SHB: variants seen among roughly 807,000 people sequenced by gnomAD.
SHB encodes SH2 domain containing adaptor protein B.
In SHB, 20 loss-of-function variants were observed where a neutral mutation model predicts 52.3. That is an observed-to-expected ratio of 0.38 (90% CI 0.27 to 0.56). The LOEUF is 0.56. SHB is among the 20% of genes least tolerant of loss of function. The probability of loss-of-function intolerance (pLI) is 0.71; values close to 1 mark genes in which losing one functional copy is unlikely to be tolerated. For synonymous variants in SHB, 397 were observed against 316.5 expected (o/e 1.25, Z -2.70); for missense variants, 825 against 723.3 (o/e 1.14, Z -1.61).
chr9:38,021,154 G>A (rs1332546778), intron 1 of SHB, among the ~76,000 whole-genome samples: 1 of 151,272 alleles, frequency 6.6e-6, no homozygotes, highest in Non-Finnish European at 1.5e-5. Flanking sequence ...CCCGACCAAC[G>A]TGGAGAAACC....
At chr9:38,062,494 C>T (rs1478057739) in intron 1 of SHB, among the ~76,000 whole-genome samples, 3 of 152,132 alleles carry the variant, frequency 2.0e-5, no homozygotes, top group African/African-American at 7.2e-5. Flanking sequence ...CCTCAAGAGA[C>T]CTTATGCGCT....
At chr9:38,062,469 C>T (rs1040907479) in intron 1 of SHB, among the ~76,000 whole-genome samples, 2 of 152,184 alleles carry the variant, frequency 1.3e-5, no homozygotes, top group Non-Finnish European at 2.9e-5. Context: ...GAAGGGTCAC[C>T]ATGCCAGTTT....
At chr9:38,014,622 A>T (rs529440373) in intron 2 of SHB, among the ~76,000 whole-genome samples, 2 of 152,360 alleles carry the variant, frequency 1.3e-5, no homozygotes, top group East Asian at 1.9e-4. Context: ...GAAAGATGGG[A>T]GTGGGCATGA....
At position 37,919,101 on chromosome 9, in the gene SHB, C is replaced by G. The variant is rs1832141973; in HGVS notation, c.*720G>C. The G allele has an allele frequency of 6.6e-6, 1 of 152,632 alleles. No homozygotes were observed. The highest frequency in any genetic ancestry group is 2.4e-5 in the African/African-American group (1 of 41,452). The allele number at this position is 152,632 out of a possible 1,614,324, so 9.5% of individuals were successfully genotyped here. ...AACCAGAACTGCCCCCTCAGAGACC[C>G]TCTGCAGTATATCAAAAAAGGATAA... On this transcript the variant is annotated 3_prime_UTR_variant, in exon 6 of 6. Coordinates refer to ENST00000377707, the MANE Select transcript of SHB (RefSeq NM_003028.3).
chr9:38,056,303 A>G (rs543742261), intron 1 of SHB, among the ~76,000 whole-genome samples: 82 of 152,300 alleles, frequency 5.4e-4, no homozygotes, highest in African/African-American at 1.9e-3. Flanking sequence ...CCATCAAAGT[A>G]TTAGAAGAAA....
At chr9:37,982,094 T>TA (rs59247175) in intron 2 of SHB, among the ~76,000 whole-genome samples, 13,258 of 141,134 alleles carry the variant, frequency 0.094, 637 homozygotes, top group Non-Finnish European at 0.12. Flanking sequence ...CTTCATTTTG[T>TA]AAAAAAAAAA....
At chr9:37,923,927 TCTC>T (rs1293102664) in intron 5 of SHB, among the ~76,000 whole-genome samples, 6 of 152,088 alleles carry the variant, frequency 3.9e-5, no homozygotes, top group African/African-American at 1.4e-4. Context: ...CCGAGCCACA[TCTC>T]CTCCCACCCT....
At chr9:37,992,011 G>C (rs1040925652) in intron 2 of SHB, among the ~76,000 whole-genome samples, 4 of 152,172 alleles carry the variant, frequency 2.6e-5, no homozygotes, top group Non-Finnish European at 5.9e-5. Flanking sequence ...TAAAGGAGGA[G>C]GTCCAGATAC....
chr9:37,968,848 C>T (rs1820561524), intron 3 of SHB, among the ~76,000 whole-genome samples: 1 of 152,196 alleles, frequency 6.6e-6, no homozygotes, highest in Admixed American at 6.5e-5. Context: ...TTCCCTTCTC[C>T]ACTCTGAGCC....
At chr9:38,026,807 T>C (rs1216904916) in intron 1 of SHB, among the ~76,000 whole-genome samples, 1 of 152,224 alleles carries the variant, frequency 6.6e-6, no homozygotes, top group African/African-American at 2.4e-5. Flanking sequence ...GGCTTTGCGA[T>C]GTCAAGCAGG....
chr9:38,022,452 T>TG (rs1821292795), intron 1 of SHB, among the ~76,000 whole-genome samples: 1 of 152,224 alleles, frequency 6.6e-6, no homozygotes, highest in African/African-American at 2.4e-5. Flanking sequence ...AATGATGGCC[T>TG]GGGGCTCTTT....
At chr9:38,015,175 G>T (rs1821194651) in intron 2 of SHB, among the ~76,000 whole-genome samples, 3 of 152,222 alleles carry the variant, frequency 2.0e-5, no homozygotes, top group Non-Finnish European at 2.9e-5. Flanking sequence ...GGTCACAGGG[G>T]CAGCCTACAC....
intron 2 of SHB, among the ~76,000 whole-genome samples, chr9:38,006,018 C>A (rs1270779412): frequency 6.6e-6 from 1 of 151,274 alleles, no homozygotes; most frequent in South Asian, 2.1e-4. Flanking sequence ...TCAAAGGTGA[C>A]CACATCTCAA....
intron 2 of SHB, among the ~76,000 whole-genome samples, chr9:38,006,213 C>T (rs1377775631): frequency 6.6e-6 from 1 of 152,198 alleles, no homozygotes; most frequent in Non-Finnish European, 1.5e-5. Flanking sequence ...CCTGACTCCA[C>T]AGCACCTGAC....
intron 1 of SHB, among the ~76,000 whole-genome samples, chr9:38,062,100 TA>T (rs1200826285): frequency 6.6e-6 from 1 of 152,160 alleles, no homozygotes; most frequent in African/African-American, 2.4e-5. Context: ...AGAGTAGCAT[TA>T]AGTAAAGGGG....
intron 2 of SHB, among the ~76,000 whole-genome samples, chr9:37,989,508 A>T (rs1820855748): frequency 1.3e-5 from 2 of 151,602 alleles, no homozygotes; most frequent in South Asian, 4.2e-4. Context: ...TAACAGCAAG[A>T]CTCCCTCCTT....
At chr9:38,053,781 C>T (rs1201432127) in intron 1 of SHB, among the ~76,000 whole-genome samples, 1 of 152,170 alleles carries the variant, frequency 6.6e-6, no homozygotes, top group Non-Finnish European at 1.5e-5. Flanking sequence ...GCCCAAGACA[C>T]ACAGGCCAAA....
At chr9:38,043,726 C>T (rs1039906988) in intron 1 of SHB, among the ~76,000 whole-genome samples, 12 of 152,088 alleles carry the variant, frequency 7.9e-5, no homozygotes, top group Non-Finnish European at 1.5e-4. Context: ...CCCATCTCTA[C>T]TAAAAATACA....
At chr9:38,047,598 A>G (rs946483454) in intron 1 of SHB, among the ~76,000 whole-genome samples, 3 of 152,248 alleles carry the variant, frequency 2.0e-5, no homozygotes, top group African/African-American at 7.2e-5. Context: ...TTATAAACAC[A>G]GAACTAACAG....
Sources: allele counts gnomAD v4.1 joint callset (sites outside exome capture counted in the v4.1 genomes callset), GRCh38; gene constraint gnomAD v4.1.1; transcripts MANE v1.5; gene names NCBI Gene and HGNC (gene_info 2026-07-23, HGNC 2026-07-21).